Variants in LAPTM4B observed in about 807,000 individuals in gnomAD.
LAPTM4B encodes lysosomal protein transmembrane 4 beta, also known as lysosomal-associated transmembrane protein 4B.
Under a neutral mutation model 28.5 loss-of-function variants are expected in LAPTM4B, and 26 were observed. The observed-to-expected ratio is 0.91, with a 90% CI of 0.67 to 1.27. The LOEUF (loss-of-function observed/expected upper bound fraction) is 1.27, where lower values mean the gene tolerates loss of function less well. LAPTM4B is among the 50% of genes most tolerant of loss of function. LAPTM4B has a pLI of 0.00. For synonymous variants in LAPTM4B, 109 were observed against 106.4 expected (o/e 1.02, Z -0.15); for missense variants, 288 against 285.8 (o/e 1.01, Z -0.06).
intron 6 of LAPTM4B, among the ~76,000 whole-genome samples, chr8:97,845,904 CT>C (rs1330484717): frequency 0.015 from 1,602 of 107,106 alleles, 347 homozygotes; most frequent in Non-Finnish European, 0.024. Context: ...CTCCCCTCCC[CT>C]TCCCTTCGAC....
rs1314353515 is a variant in LAPTM4B at position 97,853,006 on chromosome 8, T to C, written c.*1532T>C. ...CATACAAATGTTATCTACAGTGTAT[T>C]TTTAGATTTTTTATACTTGACCAGG... On this transcript the variant is annotated 3_prime_UTR_variant, in exon 7 of 7. Coordinates refer to ENST00000521545, the MANE Select transcript of LAPTM4B (RefSeq NM_018407.6). The C allele has an allele frequency of 1.0e-5, 9 of 883,954 alleles. No homozygotes were observed. Among genetic ancestry groups the C allele is most frequent in the Non-Finnish European group, 1.5e-5 (9 of 584,278 alleles). The allele number at this position is 883,954 out of a possible 1,614,324, so 54.8% of individuals were successfully genotyped here.
intron 1 of LAPTM4B, among the ~76,000 whole-genome samples, chr8:97,787,589 C>CT (rs1208075924): frequency 3.3e-5 from 5 of 152,134 alleles, no homozygotes; most frequent in African/African-American, 1.2e-4. Flanking sequence ...TGGCCGATTT[C>CT]TTTTAACAGA....
At chr8:97,825,940 T>G (rs2129814871) in intron 6 of LAPTM4B, among the ~76,000 whole-genome samples, 1 of 152,330 alleles carries the variant, frequency 6.6e-6, no homozygotes, top group East Asian at 1.9e-4. Context: ...AGGATTGGAC[T>G]GGACGGGTGA....
At chr8:97,816,921 T>A (rs921231350) in intron 4 of LAPTM4B, among the ~76,000 whole-genome samples, 1 of 143,494 alleles carries the variant, frequency 7.0e-6, no homozygotes, top group African/African-American at 2.5e-5. Context: ...GCCTGGGCAA[T>A]AGAGTGAGAT....
chr8:97,819,976 C>T (rs1360837439), intron 5 of LAPTM4B, among the ~76,000 whole-genome samples: 1 of 152,044 alleles, frequency 6.6e-6, no homozygotes, highest in Non-Finnish European at 1.5e-5. Context: ...ACCTCATGAT[C>T]CGCCCACCTC....
intron 1 of LAPTM4B, among the ~76,000 whole-genome samples, chr8:97,790,914 G>GT (rs1422371278): frequency 6.6e-6 from 1 of 151,958 alleles, no homozygotes; most frequent in Non-Finnish European, 1.5e-5. Flanking sequence ...CTAGCTTTTT[G>GT]TTTTTTTGAG....
At chr8:97,821,119 C>T (rs933416409) in intron 5 of LAPTM4B, among the ~76,000 whole-genome samples, 6 of 151,902 alleles carry the variant, frequency 3.9e-5, no homozygotes, top group South Asian at 2.1e-4. Context: ...GGGTGGATCA[C>T]GAGATCAGGA....
chr8:97,788,290 TG>T, intron 1 of LAPTM4B: 1 of 383,024 alleles, frequency 2.6e-6, no homozygotes. Flanking sequence ...CTGAATCCAC[TG>T]GGGAATGGGA....
chr8:97,788,888 G>A (rs1006417583), intron 1 of LAPTM4B, among the ~76,000 whole-genome samples: 2 of 151,656 alleles, frequency 1.3e-5, no homozygotes, highest in Non-Finnish European at 2.9e-5. Flanking sequence ...TACAGACGGG[G>A]TTTCACCATG....
At chr8:97,786,493 C>T (rs554530122) in intron 1 of LAPTM4B, among the ~76,000 whole-genome samples, 13 of 151,286 alleles carry the variant, frequency 8.6e-5, no homozygotes, top group South Asian at 2.1e-4. Context: ...CATGAGGTTC[C>T]GAGTTCGAGA....
At chr8:97,806,650 T>C (rs1816758407) in intron 2 of LAPTM4B, among the ~76,000 whole-genome samples, 1 of 151,918 alleles carries the variant, frequency 6.6e-6, no homozygotes, top group Admixed American at 6.6e-5. Flanking sequence ...CAGGGGGAGG[T>C]AATTGAATTG....
intron 1 of LAPTM4B, among the ~76,000 whole-genome samples, chr8:97,799,950 T>G (rs1816645757): frequency 6.6e-6 from 1 of 152,182 alleles, no homozygotes; most frequent in Non-Finnish European, 1.5e-5. Flanking sequence ...AGGCTCCAAA[T>G]CTTCATCTTT....
chr8:97,845,469 A>G (rs1464393106), intron 6 of LAPTM4B, among the ~76,000 whole-genome samples: 3 of 152,104 alleles, frequency 2.0e-5, no homozygotes, highest in Non-Finnish European at 4.4e-5. Flanking sequence ...AAGACACTTC[A>G]TCAGTTCTCT....
chr8:97,813,629 G>A (rs1445077366), intron 2 of LAPTM4B, among the ~76,000 whole-genome samples: 1 of 152,260 alleles, frequency 6.6e-6, no homozygotes, highest in Non-Finnish European at 1.5e-5. Flanking sequence ...TGGCTAAGAA[G>A]GAGTTAGATC....
intron 6 of LAPTM4B, among the ~76,000 whole-genome samples, chr8:97,845,623 T>C (rs1817416416): frequency 6.6e-6 from 1 of 152,028 alleles, no homozygotes; most frequent in Non-Finnish European, 1.5e-5. Context: ...TGCTTTATAC[T>C]GCCCCCACAC....
intron 1 of LAPTM4B, among the ~76,000 whole-genome samples, chr8:97,798,808 G>A (rs1471659422): frequency 1.3e-5 from 2 of 152,276 alleles, no homozygotes; most frequent in African/African-American, 4.8e-5. Context: ...CAGAAAAACA[G>A]GGCACACATG....
In LAPTM4B at chr8:97,851,587, T is replaced by G. The variant is rs2129868259; in HGVS notation, c.*113T>G. The G allele has an allele frequency of 2.6e-6, 2 of 777,236 alleles. No homozygotes were observed. The highest frequency in any genetic ancestry group is 3.5e-5 in the African/African-American group (2 of 57,578). 48.1% of individuals were successfully genotyped at this position (777,236 alleles called of 1,614,324 possible). ...TCTCTGAGCTTGTTTGTTGCTGAAA[T>G]GCTACTTTTTAAAATTTAGATGTTA... On this transcript the variant is annotated 3_prime_UTR_variant, in exon 7 of 7. Coordinates refer to ENST00000521545, the MANE Select transcript of LAPTM4B (RefSeq NM_018407.6).
intron 6 of LAPTM4B, among the ~76,000 whole-genome samples, chr8:97,847,935 G>A (rs536373451): frequency 2.0e-5 from 3 of 152,292 alleles, no homozygotes; most frequent in Admixed American, 6.5e-5. Context: ...AAGGGTCCAA[G>A]GCAATAGAAT....
In LAPTM4B at chr8:97,776,079, G is replaced by C; in HGVS notation, c.70G>C (p.Gly24Arg). The part of the protein sequence containing the change: ...SCCLCCHVRT[G>R]TILLGVWYLI... ...CTGCTTGTGCTGCCATGTCCGCACC[G>C]GCACCATCCTGCTCGGCGTCTGGTA... Residue 24 changes from glycine (G) to arginine (R), a missense_variant, in exon 1 of 7, where the codon GGC becomes CGC. Physicochemically the swap from Gly to Arg is moderately radical, Grantham distance 125. Transcript: ENST00000521545. 6.3e-7 allele frequency: 1 copy of C among 1,587,450 alleles called. No individual in the cohort carries two copies. The highest frequency in any genetic ancestry group is 8.5e-7 in the Non-Finnish European group (1 of 1,171,952).
Sources: gnomAD v4.1 joint callset for allele counts (sites outside exome capture counted in the v4.1 genomes callset) on GRCh38, gnomAD v4.1.1 for gene constraint, MANE v1.5 for transcripts, NCBI Gene and HGNC (gene_info 2026-07-23, HGNC 2026-07-21) for gene names.